SLC47A1: variants seen among roughly 807,000 people sequenced by gnomAD.
The protein encoded by SLC47A1 is solute carrier family 47 member 1.
SLC47A1 carries 58 observed loss-of-function variants against 65.8 expected under a neutral mutation model. The ratio of observed to expected loss-of-function variants is 0.88; its 90% CI spans 0.71 to 1.10. The LOEUF is 1.10. Ranked by LOEUF, SLC47A1 falls within the 50% of genes least tolerant of loss-of-function variation. SLC47A1 has a pLI of 0.00. For missense variants in SLC47A1, 706 were observed against 719.2 expected (o/e 0.98, Z 0.21); for synonymous variants, 285 against 295.0 (o/e 0.97, Z 0.35).
In SLC47A1 at chr17:19,560,262, A is replaced by G. The variant is rs752237562; in HGVS notation, c.996A>G (p.Ala332=). Residue 332 remains alanine, a synonymous_variant, in exon 11 of 17, where the codon GCA becomes GCG. Coordinates refer to ENST00000270570, the MANE Select transcript of SLC47A1 (RefSeq NM_018242.3). The part of the protein sequence containing the change: ...NALGAGDMEQ[A]RKSSTVSLLI... ...TGGGTGCTGGAGACATGGAGCAGGC[A>G]CGGAAGTCCTCTACCGTTTCCCTGC... 2 of 1,613,954 alleles carry G rather than the reference A, an allele frequency of 1.2e-6. No homozygotes were observed. The highest frequency in any genetic ancestry group is 1.7e-6 in the Non-Finnish European group (2 of 1,180,008).
At chr17:19,567,904 G>A (rs2084372805) in intron 14 of SLC47A1, 1 of 152,236 alleles carries the variant, frequency 6.6e-6, no homozygotes, top group East Asian at 1.9e-4. Flanking sequence ...GAACAGCACA[G>A]AAGGAAGGGG....
chr17:19,543,562 T>C (rs1916210093), intron 2 of SLC47A1, among the ~76,000 whole-genome samples: 1 of 152,112 alleles, frequency 6.6e-6, no homozygotes, highest in African/African-American at 2.4e-5. Context: ...TTACTGAGAG[T>C]CCTAATCTAG....
intron 14 of SLC47A1, among the ~76,000 whole-genome samples, chr17:19,570,317 A>G (rs897132763): frequency 1.3e-5 from 2 of 152,182 alleles, no homozygotes; most frequent in African/African-American, 4.8e-5. Flanking sequence ...TATTCTCAGC[A>G]AGGGTGTTGG....
intron 12 of SLC47A1, among the ~76,000 whole-genome samples, chr17:19,563,462 C>G (rs1406219079): frequency 6.6e-6 from 1 of 151,874 alleles, no homozygotes. Context: ...TCAAAAAGCA[C>G]AATCCCAGAA....
At chr17:19,572,321 TCTCA>T (rs1265214847) in intron 15 of SLC47A1, among the ~76,000 whole-genome samples, 1 of 152,008 alleles carries the variant, frequency 6.6e-6, no homozygotes, top group Non-Finnish European at 1.5e-5. Context: ...AGAGACAGGC[TCTCA>T]CTCTGTCACC....
intron 5 of SLC47A1, among the ~76,000 whole-genome samples, chr17:19,550,158 A>G (rs558706824): frequency 2.6e-5 from 4 of 152,244 alleles, no homozygotes; most frequent in Admixed American, 6.5e-5. Flanking sequence ...GTCTCATTCC[A>G]TCACCCAGGC....
At chr17:19,549,790 T>A in intron 5 of SLC47A1, 113 bp downstream of exon 5, 1 of 1,143,476 alleles carries the variant, frequency 8.7e-7, no homozygotes, top group Non-Finnish European at 1.3e-6. Context: ...TTATCTGTGG[T>A]GTTGGTGCCT....
At chr17:19,564,399 A>C (rs1197828002) in intron 12 of SLC47A1, 1 of 152,174 alleles carries the variant, frequency 6.6e-6, no homozygotes, top group Non-Finnish European at 1.5e-5. Context: ...GGTGCAGAAC[A>C]TCATATAGAG....
intron 10 of SLC47A1, among the ~76,000 whole-genome samples, chr17:19,559,528 T>C (rs1451683725): frequency 1.3e-5 from 2 of 151,830 alleles, no homozygotes; most frequent in South Asian, 2.1e-4. Flanking sequence ...TCCCTATTTA[T>C]TTTATTTTAT....
At chr17:19,557,059 T>C (rs1293823530) in intron 10 of SLC47A1, among the ~76,000 whole-genome samples, 4 of 152,212 alleles carry the variant, frequency 2.6e-5, no homozygotes. Flanking sequence ...CAACTGGAGA[T>C]TCTGAAGGAA....
intron 10 of SLC47A1, among the ~76,000 whole-genome samples, chr17:19,558,317 A>G (rs1916678526): frequency 6.6e-6 from 1 of 152,184 alleles, no homozygotes. Context: ...GTTTCCTTAT[A>G]AATAAATTTA....
At chr17:19,571,811 C>T (rs2084401986) in intron 15 of SLC47A1, among the ~76,000 whole-genome samples, 1 of 152,204 alleles carries the variant, frequency 6.6e-6, no homozygotes, top group East Asian at 1.9e-4. Context: ...CCATGCCAGG[C>T]TGTCACCCTT....
At chr17:19,562,069 T>C (rs150093426) in intron 12 of SLC47A1, among the ~76,000 whole-genome samples, 73 of 152,322 alleles carry the variant, frequency 4.8e-4, no homozygotes, top group Non-Finnish European at 9.1e-4. Flanking sequence ...ATTCGGACTA[T>C]ATAGAAACTT....
At position 19,573,987 on chromosome 17, in the gene SLC47A1, A is replaced by C. The variant is rs2084419956; in HGVS notation, c.1486+1126A>C. On this transcript the variant is annotated intron_variant, in intron 16 of 16. Transcript: ENST00000270570. The stretch of plus-strand genomic sequence containing the variant: ...GCCCAGGCTGGAGTGCAATGGTGCG[A>C]TCTCAGCTCACTGCAACCTCCGCCT... Among the ~76,000 whole-genome samples, 3 of 144,314 alleles carry C rather than the reference A, an allele frequency of 2.1e-5. No individual in the cohort carries two copies. In the South Asian group the frequency reaches 6.5e-4, roughly 31 times the overall value. 94.7% of individuals were successfully genotyped at this position (144,314 alleles called of 152,430 possible). A position where few individuals can be genotyped will look rare whatever the true frequency, so the allele number is the denominator to read the frequency against.
intron 14 of SLC47A1, 26 bp downstream of exon 14, chr17:19,567,254 G>A (rs1030386382): frequency 1.2e-6 from 2 of 1,613,454 alleles, no homozygotes; most frequent in African/African-American, 2.7e-5. Context: ...TGCAGGCAGG[G>A]CTTAGCTGCT....
intron 5 of SLC47A1, 126 bp from the exon 6 acceptor site, chr17:19,551,298 T>C: frequency 1.2e-6 from 1 of 844,510 alleles, no homozygotes; most frequent in South Asian, 1.3e-5. Flanking sequence ...CGACAGCCTC[T>C]GTGGCTCCGT....
intron 1 of SLC47A1, among the ~76,000 whole-genome samples, chr17:19,540,972 GA>G (rs1668838463): frequency 6.6e-6 from 1 of 152,176 alleles, no homozygotes; most frequent in South Asian, 2.1e-4. Flanking sequence ...TTCTAGGGAA[GA>G]AAAGAGGGAG....
At chr17:19,575,184 T>C (rs995530359) in intron 16 of SLC47A1, among the ~76,000 whole-genome samples, 5 of 149,524 alleles carry the variant, frequency 3.3e-5, no homozygotes, top group Admixed American at 2.7e-4. Flanking sequence ...AACCTGCCTG[T>C]CTCAGCCTTC....
In SLC47A1 at chr17:19,560,292, T is replaced by C; in HGVS notation, c.1026T>C (p.Ile342=). The C allele has an allele frequency of 6.2e-7, 1 of 1,613,578 alleles. No homozygotes were observed. Among genetic ancestry groups the C allele is most frequent in the Non-Finnish European group, 8.5e-7 (1 of 1,179,610 alleles). The change falls in exon 11 of 17, where the codon ATT becomes ATC. Residue 342 remains isoleucine, a synonymous_variant. Transcript: ENST00000270570. ...ARKSSTVSLL[I]TVLFAVAFSV... ...AGTCCTCTACCGTTTCCCTGCTGAT[T>C]ACAGGTGCTGAGACCCCTTTACCCG...
Sources: allele counts gnomAD v4.1 joint callset (sites outside exome capture counted in the v4.1 genomes callset), GRCh38; gene constraint gnomAD v4.1.1; transcripts MANE v1.5; gene names NCBI Gene and HGNC (gene_info 2026-07-23, HGNC 2026-07-21).